Variants in CNGB3 observed in about 807,000 individuals in gnomAD.
The protein encoded by CNGB3 is cyclic nucleotide-gated channel beta-3.
Under a neutral mutation model 92.8 loss-of-function variants are expected in CNGB3, and 86 were observed. The observed-to-expected ratio is 0.93, with a 90% CI of 0.78 to 1.11. The LOEUF (loss-of-function observed/expected upper bound fraction) is 1.11. CNGB3 is among the 50% of genes least tolerant of loss of function. The pLI is 0.00. For synonymous variants in CNGB3, 333 were observed against 332.7 expected, an observed-to-expected ratio of 1.00 and a Z score of -0.01; for missense variants, 1,026 against 956.8, an observed-to-expected ratio of 1.07 and a Z score of -0.95.
intron 12 of CNGB3, among the ~76,000 whole-genome samples, chr8:86,627,594 T>C (rs536117209): frequency 2.6e-5 from 4 of 152,352 alleles, no homozygotes; most frequent in East Asian, 1.9e-4. Flanking sequence ...CTATTTCATA[T>C]GGTAAGAACA....
At chr8:86,633,333 C>T (rs1822999308) in intron 10 of CNGB3, among the ~76,000 whole-genome samples, 1 of 152,198 alleles carries the variant, frequency 6.6e-6, no homozygotes. Flanking sequence ...TCCCCTGTTC[C>T]TTTCCACATT....
intron 10 of CNGB3, among the ~76,000 whole-genome samples, chr8:86,636,848 G>T (rs778429218): frequency 6.6e-6 from 1 of 151,972 alleles, no homozygotes; most frequent in Non-Finnish European, 1.5e-5. Context: ...GAGGTCAGAC[G>T]GTATTTCTCT....
At chr8:86,631,551 T>C (rs1464641364) in intron 11 of CNGB3, among the ~76,000 whole-genome samples, 1 of 152,226 alleles carries the variant, frequency 6.6e-6, no homozygotes, top group Non-Finnish European at 1.5e-5. Flanking sequence ...AACTTCACGT[T>C]GATTTTACTA....
intron 15 of CNGB3, among the ~76,000 whole-genome samples, chr8:86,592,207 G>A (rs1220015915): frequency 2.6e-5 from 4 of 152,180 alleles, no homozygotes; most frequent in Non-Finnish European, 5.9e-5. Flanking sequence ...GCTCACGCAC[G>A]GTGCGCGCAC....
Position 86,578,883 on chromosome 8 carries a change from GCTGTTTTAGGTAACT to G in CNGB3, c.1929-35_1929-21del. The G allele has an allele frequency of 6.2e-7, 1 of 1,614,042 alleles. No homozygotes were observed. Among genetic ancestry groups the G allele is most frequent in the Non-Finnish European group, 8.5e-7 (1 of 1,179,966 alleles). ...AGCACTCTGTGGGTAAGAGAGAAAA[GCTGTTTTAGGTAACT>G]CTGTGAGAGTTCTGGCAAAATCTAC... On this transcript the variant is annotated intron_variant, in intron 16 of 17. Transcript: ENST00000320005.
intron 15 of CNGB3, among the ~76,000 whole-genome samples, chr8:86,587,098 C>T (rs1212199883): frequency 1.4e-5 from 2 of 147,422 alleles, no homozygotes; most frequent in South Asian, 4.4e-4. Context: ...TGATGGTGAG[C>T]ATTTTTTCAT....
At chr8:86,735,786 T>C (rs1264537461) in intron 2 of CNGB3, among the ~76,000 whole-genome samples, 1 of 152,220 alleles carries the variant, frequency 6.6e-6, no homozygotes, top group African/African-American at 2.4e-5. Context: ...TTTTCTTCAA[T>C]GTAAGCTAAC....
intron 3 of CNGB3, among the ~76,000 whole-genome samples, chr8:86,702,310 CCTT>C (rs1824571593): frequency 1.3e-5 from 2 of 152,256 alleles, no homozygotes; most frequent in East Asian, 1.9e-4. Flanking sequence ...GGACAATTCT[CCTT>C]AAGGCTATTC....
chr8:86,712,755 ATTT>A (rs10586111), intron 3 of CNGB3, among the ~76,000 whole-genome samples: 37,138 of 134,510 alleles, frequency 0.28, 5,051 homozygotes, highest in East Asian at 0.41. Flanking sequence ...TCCTGGCTTA[ATTT>A]TTTTTTTTTT....
chr8:86,741,644 C>T (rs995904485), intron 1 of CNGB3, among the ~76,000 whole-genome samples: 3 of 150,970 alleles, frequency 2.0e-5, no homozygotes, highest in South Asian at 2.1e-4. Flanking sequence ...CCAGCCTGGG[C>T]GACAGAATGA....
At chr8:86,734,158 A>C (rs1289493302) in intron 2 of CNGB3, among the ~76,000 whole-genome samples, 1 of 152,114 alleles carries the variant, frequency 6.6e-6, no homozygotes, top group Admixed American at 6.6e-5. Flanking sequence ...GTGCCTGGCC[A>C]GCTTTATTAT....
At chr8:86,671,142 A>C in intron 3 of CNGB3, 44 bp from the exon 4 acceptor site, 1 of 1,601,000 alleles carries the variant, frequency 6.2e-7, no homozygotes, top group East Asian at 2.2e-5. Context: ...CCCATGAAGA[A>C]ATAGATATAA....
At chr8:86,628,878 C>A (rs1822902183) in intron 12 of CNGB3, 41 bp downstream of exon 12, 1 of 1,607,588 alleles carries the variant, frequency 6.2e-7, no homozygotes, top group Non-Finnish European at 8.5e-7. Flanking sequence ...CATCATATGA[C>A]AAGGTTTACA....
intron 3 of CNGB3, among the ~76,000 whole-genome samples, chr8:86,716,169 T>C (rs1286917840): frequency 3.9e-5 from 6 of 151,988 alleles, no homozygotes. Context: ...TTAACCCTTC[T>C]GACAAAGGAA....
intron 3 of CNGB3, among the ~76,000 whole-genome samples, chr8:86,700,727 C>T (rs560517273): frequency 4.3e-4 from 65 of 152,210 alleles, no homozygotes; most frequent in Admixed American, 2.9e-3. Context: ...CAACCTCCAT[C>T]TCCCGGGTTC....
chr8:86,625,227 G>A (rs564323302), intron 13 of CNGB3, among the ~76,000 whole-genome samples: 2 of 152,124 alleles, frequency 1.3e-5, no homozygotes, highest in South Asian at 2.1e-4. Context: ...CACATTTTAT[G>A]CGTTTATTTT....
chr8:86,649,460 A>T (rs1313406395), intron 7 of CNGB3, among the ~76,000 whole-genome samples: 1 of 151,716 alleles, frequency 6.6e-6, no homozygotes. Context: ...TACATAGACC[A>T]AAGGAACAGA....
chr8:86,644,522 C>A, intron 9 of CNGB3, 100 bp downstream of exon 9: 2 of 1,474,780 alleles, frequency 1.4e-6, no homozygotes, highest in Admixed American at 3.9e-5. Flanking sequence ...AAATTATATC[C>A]TTTTTTTGAA....
chr8:86,674,166 A>G (rs1315519716), intron 3 of CNGB3, among the ~76,000 whole-genome samples: 1 of 152,240 alleles, frequency 6.6e-6, no homozygotes, highest in Non-Finnish European at 1.5e-5. Flanking sequence ...CTATAAAGTC[A>G]GGTATTCAAA....
Sources: gnomAD v4.1 joint callset for allele counts (sites outside exome capture counted in the v4.1 genomes callset) on GRCh38, gnomAD v4.1.1 for gene constraint, MANE v1.5 for transcripts, NCBI Gene and HGNC (gene_info 2026-07-23, HGNC 2026-07-21) for gene names.